Variants in GRIN2A observed in about 807,000 individuals in gnomAD.
GRIN2A encodes glutamate ionotropic receptor NMDA type subunit 2A, also known as glutamate receptor ionotropic, NMDA 2A.
Under a neutral mutation model 113.4 loss-of-function variants are expected in GRIN2A, and 22 were observed. The observed-to-expected ratio is 0.19, with a 90% CI of 0.14 to 0.28. The LOEUF (loss-of-function observed/expected upper bound fraction) is 0.28. Among genes scored for constraint, GRIN2A ranks in the 10% least tolerant of loss-of-function variants. The probability of loss-of-function intolerance (pLI) is 1.00; values close to 1 mark genes in which losing one functional copy is unlikely to be tolerated. For missense variants in GRIN2A, 1,502 were observed against 1,887.0 expected (o/e 0.80, Z 3.78); for synonymous variants, 827 against 738.4 (o/e 1.12, Z -1.94).
At chr16:9,962,132 T>C (rs1217449648) in intron 2 of GRIN2A, among the ~76,000 whole-genome samples, 1 of 152,134 alleles carries the variant, frequency 6.6e-6, no homozygotes, top group Non-Finnish European at 1.5e-5. Context: ...TAAAGACTTA[T>C]ATGTTAGACC....
At chr16:9,806,891 C>T (rs1225049513) in intron 10 of GRIN2A, among the ~76,000 whole-genome samples, 1 of 151,954 alleles carries the variant, frequency 6.6e-6, no homozygotes, top group Admixed American at 6.6e-5. Context: ...CTCATAATTC[C>T]CACCTGTTGT....
rs767755441 is a variant in GRIN2A at position 9,764,655 on chromosome 16, G to C, written c.2889C>G (p.Leu963=). 5.0e-6 allele frequency: 8 copies of C among 1,614,018 alleles called. No individual in the cohort carries two copies. Among genetic ancestry groups the C allele is most frequent in the African/African-American group, 1.3e-5 (1 of 74,920 alleles). The change falls in exon 13 of 13, where the codon CTC becomes CTG. Residue 963 remains leucine, a synonymous_variant. Transcript: ENST00000330684. ...ESIFGDNMNE[L]QTFVANRQKD... The stretch of plus-strand genomic sequence containing the variant: ...TCTGCCGGTTGGCCACAAATGTTTG[G>C]AGTTCGTTCATGTTGTCTCCAAAAA...
At chr16:10,146,629 A>C (rs1288025197) in intron 2 of GRIN2A, among the ~76,000 whole-genome samples, 1 of 152,024 alleles carries the variant, frequency 6.6e-6, no homozygotes, top group Non-Finnish European at 1.5e-5. Context: ...AGCTATTAAT[A>C]TTATTATTGT....
intron 4 of GRIN2A, among the ~76,000 whole-genome samples, chr16:9,850,693 G>T (rs1214139119): frequency 6.6e-6 from 1 of 152,098 alleles, no homozygotes; most frequent in Non-Finnish European, 1.5e-5. Flanking sequence ...TATTTAAGTT[G>T]CAAATTAAGG....
Position 10,112,672 on chromosome 16 carries a change from G to T in GRIN2A, c.414+67326C>A. 4.0e-6 allele frequency: 3 copies of T among 759,154 alleles called. No homozygotes were observed. The East Asian group carries it at 7.4e-5, about 19-fold the overall frequency. The allele number at this position is 759,154 out of a possible 1,614,324, so 47.0% of individuals were successfully genotyped here. A position where few individuals can be genotyped will look rare whatever the true frequency, so the allele number is the denominator to read the frequency against. ...AGCAGCAGCCAGAAACGATACTTCA[G>T]CGAGGGGGAAAAGGTGAATATTGTG... On this transcript the variant is annotated intron_variant, in intron 2 of 12. Coordinates refer to ENST00000330684, the MANE Select transcript of GRIN2A (RefSeq NM_001134407.3).
At chr16:10,111,576 G>C in intron 2 of GRIN2A, 2 of 899,206 alleles carry the variant, frequency 2.2e-6, no homozygotes, top group Non-Finnish European at 3.7e-6. Context: ...AGACACCACT[G>C]ATCTCTTCCC....
At chr16:9,885,081 T>A (rs2043562568) in intron 4 of GRIN2A, among the ~76,000 whole-genome samples, 1 of 152,120 alleles carries the variant, frequency 6.6e-6, no homozygotes. Flanking sequence ...TCTCCGCCTA[T>A]GTAGCACTTA....
chr16:10,014,119 A>G (rs954581316), intron 2 of GRIN2A, among the ~76,000 whole-genome samples: 1 of 152,266 alleles, frequency 6.6e-6, no homozygotes, highest in African/African-American at 2.4e-5. Context: ...TAGCCCAGCT[A>G]ATAAATGGGT....
chr16:9,790,664 T>C (rs898461182), intron 11 of GRIN2A, among the ~76,000 whole-genome samples: 1 of 152,168 alleles, frequency 6.6e-6, no homozygotes, highest in Non-Finnish European at 1.5e-5. Context: ...TGTCAAAAGA[T>C]TGGCAGTGAT....
At chr16:9,979,845 CTGTGTGTGTGTGTGTGTG>C (rs60999132) in intron 2 of GRIN2A, among the ~76,000 whole-genome samples, 2 of 133,520 alleles carry the variant, frequency 1.5e-5, no homozygotes, top group South Asian at 2.7e-4. Context: ...GACTTATATT[CTGTGTGTGTGTGTGTGTG>C]TGTGTGTGTG....
At chr16:10,150,706 C>G (rs755049800) in intron 2 of GRIN2A, among the ~76,000 whole-genome samples, 1 of 151,618 alleles carries the variant, frequency 6.6e-6, no homozygotes, top group East Asian at 2.0e-4. Context: ...CTCAGAGAGA[C>G]CTTTCCTGCT....
rs536300499 is a variant in GRIN2A, at chr16:9,773,022, C to G, written c.2357-3933G>C. Reference sequence around the variant, plus strand: ...ATTAATCATTTCCTGCCTCGTGGCCCTCTTTGACTAGCGTACTGAACTGTA... The same window carrying G: ...ATTAATCATTTCCTGCCTCGTGGCCGTCTTTGACTAGCGTACTGAACTGTA... On this transcript the variant is annotated intron_variant, in intron 11 of 12. Transcript: ENST00000330684. Among the ~76,000 whole-genome samples the G allele has an allele frequency of 5.3e-5, 8 of 151,760 alleles. No individual in the cohort carries two copies. The South Asian group carries it at 1.7e-3, about 32-fold the overall frequency.
intron 2 of GRIN2A, among the ~76,000 whole-genome samples, chr16:9,962,200 G>C (rs2045456546): frequency 6.6e-6 from 1 of 152,138 alleles, no homozygotes; most frequent in Non-Finnish European, 1.5e-5. Context: ...ACATAGGCAT[G>C]GTCAAGGACT....
At position 9,762,833 on chromosome 16, in the gene GRIN2A, T is replaced by C. The variant is rs1900645208; in HGVS notation, c.*316A>G. ...AATATAGGAAATCATAACATCACCATTGGCATCCAATGCATCATTATTGCC... is the reference window on the plus strand; with the variant it reads ...AATATAGGAAATCATAACATCACCACTGGCATCCAATGCATCATTATTGCC... On this transcript the variant is annotated 3_prime_UTR_variant, in exon 13 of 13. Transcript: ENST00000330684. 8.6e-6 allele frequency: 4 copies of C among 463,154 alleles called. No individual in the cohort carries two copies. In the Admixed American group the frequency reaches 1.1e-4, roughly 13 times the overall value. 28.7% of individuals were successfully genotyped at this position (463,154 alleles called of 1,614,324 possible).
chr16:10,168,210 T>A (rs1033876884), intron 2 of GRIN2A, among the ~76,000 whole-genome samples: 1 of 152,192 alleles, frequency 6.6e-6, no homozygotes, highest in Non-Finnish European at 1.5e-5. Flanking sequence ...TATTTATATA[T>A]GTGTGTGTGA....
chr16:10,052,210 T>C (rs1443870391), intron 2 of GRIN2A, among the ~76,000 whole-genome samples: 1 of 152,252 alleles, frequency 6.6e-6, no homozygotes, highest in Non-Finnish European at 1.5e-5. Flanking sequence ...ATTCTCATGA[T>C]AATTCAAGCT....
intron 2 of GRIN2A, among the ~76,000 whole-genome samples, chr16:10,096,807 C>T (rs1194204186): frequency 5.3e-5 from 8 of 152,160 alleles, no homozygotes; most frequent in Non-Finnish European, 7.4e-5. Flanking sequence ...CATAGACCTG[C>T]TACAACCACA....
intron 2 of GRIN2A, among the ~76,000 whole-genome samples, chr16:9,985,266 G>A (rs1196164953): frequency 1.3e-5 from 2 of 152,024 alleles, no homozygotes; most frequent in African/African-American, 4.8e-5. Flanking sequence ...CATTTTATAT[G>A]GTCCCGCATT....
chr16:9,811,934 A>G (rs763954004), intron 10 of GRIN2A, among the ~76,000 whole-genome samples: 2 of 152,052 alleles, frequency 1.3e-5, no homozygotes, highest in Non-Finnish European at 2.9e-5. Context: ...CCACACATTC[A>G]TTTATTTTCC....
Sources: gnomAD v4.1 joint callset for allele counts (sites outside exome capture counted in the v4.1 genomes callset) on GRCh38, gnomAD v4.1.1 for gene constraint, MANE v1.5 for transcripts, NCBI Gene and HGNC (gene_info 2026-07-23, HGNC 2026-07-21) for gene names.